The following ITPR2 variants were observed in gnomAD, a reference collection of about 807,000 sequenced individuals.
The protein encoded by ITPR2 is inositol 1,4,5-trisphosphate-gated calcium channel ITPR2.
A neutral mutation model predicts 317.1 loss-of-function variants in ITPR2; 207 were observed. That is an observed-to-expected ratio of 0.65 (90% CI 0.58 to 0.73). The LOEUF is 0.73. ITPR2 is among the 30% of genes least tolerant of loss of function. The probability of loss-of-function intolerance (pLI) is 0.00; values close to 1 mark genes in which losing one functional copy is unlikely to be tolerated. For missense variants in ITPR2, 2,613 were observed against 3,284.0 expected, an observed-to-expected ratio of 0.80 and a Z score of 4.99; for synonymous variants, 1,156 against 1,149.1, an observed-to-expected ratio of 1.01 and a Z score of -0.12.
intron 45 of ITPR2, among the ~76,000 whole-genome samples, chr12:26,459,098 C>G (rs761480597): frequency 1.3e-5 from 2 of 152,196 alleles, no homozygotes; most frequent in Non-Finnish European, 2.9e-5. Flanking sequence ...TTAGGCAATG[C>G]TGCTGTGCTA....
chr12:26,801,680 G>C (rs1039976394), intron 1 of ITPR2, among the ~76,000 whole-genome samples: 1 of 152,168 alleles, frequency 6.6e-6, no homozygotes, highest in Non-Finnish European at 1.5e-5. Flanking sequence ...GAGATTTTAA[G>C]ATACCCCTAG....
intron 5 of ITPR2, among the ~76,000 whole-genome samples, chr12:26,720,297 T>C (rs1948812919): frequency 6.6e-6 from 1 of 152,220 alleles, no homozygotes; most frequent in Non-Finnish European, 1.5e-5. Context: ...CATCTTAAAA[T>C]ATCATCTTAA....
chr12:26,452,446 T>G (rs1188721515), intron 45 of ITPR2, among the ~76,000 whole-genome samples: 1 of 152,208 alleles, frequency 6.6e-6, no homozygotes, highest in Non-Finnish European at 1.5e-5. Flanking sequence ...AATTGGTTAT[T>G]TGTCACTCAT....
rs901802348 is a variant in ITPR2 at position 26,335,437 on chromosome 12, A to G, written c.*3960T>C. On this transcript the variant is annotated 3_prime_UTR_variant, in exon 57 of 57. Coordinates refer to ENST00000381340, the MANE Select transcript of ITPR2 (RefSeq NM_002223.4). Reference sequence around the variant, plus strand: ...GAATCGTGTTTTTTAGGCAAATATAACAATCCTCTACTGCAGGAGAGAAAG... The same window carrying G: ...GAATCGTGTTTTTTAGGCAAATATAGCAATCCTCTACTGCAGGAGAGAAAG... Among the ~76,000 whole-genome samples, 1 of 152,232 alleles carries G rather than the reference A, an allele frequency of 6.6e-6. No individual in the cohort carries two copies. Among genetic ancestry groups the G allele is most frequent in the Non-Finnish European group, 1.5e-5 (1 of 68,034 alleles).
chr12:26,807,420 A>C (rs1592148792), intron 1 of ITPR2, among the ~76,000 whole-genome samples: 1 of 152,274 alleles, frequency 6.6e-6, no homozygotes, highest in Admixed American at 6.5e-5. Context: ...TCTACTTATG[A>C]ACCCAGCCAA....
chr12:26,466,769 G>A (rs1942179968), intron 45 of ITPR2, among the ~76,000 whole-genome samples: 1 of 152,168 alleles, frequency 6.6e-6, no homozygotes, highest in Non-Finnish European at 1.5e-5. Context: ...AAAACACAGG[G>A]TGCAGGGGTG....
chr12:26,503,725 G>A (rs999276596), intron 37 of ITPR2, among the ~76,000 whole-genome samples: 1 of 152,164 alleles, frequency 6.6e-6, no homozygotes, highest in Non-Finnish European at 1.5e-5. Context: ...TTAAGGATTA[G>A]GAAATTAAAT....
rs370110465 is a variant in ITPR2, at chr12:26,541,241, C to T, written c.5073+9006G>A. Among the ~76,000 whole-genome samples the T allele has an allele frequency of 1.4e-3, 211 of 151,786 alleles. 1 individual carries two copies. Among genetic ancestry groups the T allele is most frequent in the African/African-American group, 3.6e-3 (147 of 41,406 alleles). On this transcript the variant is annotated intron_variant, in intron 37 of 56. Coordinates refer to ENST00000381340, the MANE Select transcript of ITPR2 (RefSeq NM_002223.4). The stretch of plus-strand genomic sequence containing the variant: ...CTGAGACAGGAGAATCACTTGAACC[C>T]GGGAGGCAGAGGTTGCAGTGAGCTG...
At chr12:26,447,361 ATAGT>A (rs1164176461) in intron 45 of ITPR2, among the ~76,000 whole-genome samples, 1 of 151,978 alleles carries the variant, frequency 6.6e-6, no homozygotes, top group East Asian at 1.9e-4. Flanking sequence ...TTCTTGTTTG[ATAGT>A]TATTTATGTA....
chr12:26,711,175 C>G lies in ITPR2; in HGVS notation c.949G>C (p.Glu317Gln), dbSNP rs1181756075. Residue 317 changes from glutamate to glutamine, a missense_variant and splice_region_variant, in exon 9 of 57, where the codon GAG (glutamate) becomes CAG (glutamine). Coordinates refer to ENST00000381340, the MANE Select transcript of ITPR2 (RefSeq NM_002223.4). ...HLATGNYLAA[E>Q]LNPDYRDAQN... ...ACCACTTTATCCATTAGTCTTACCT[C>G]TGCAGCTAAATAGTTTCCAGTTGCA... 1 of 1,605,488 alleles carries G rather than the reference C, an allele frequency of 6.2e-7. No individual in the cohort carries two copies. The highest frequency in any genetic ancestry group is 1.3e-5 in the African/African-American group (1 of 74,754).
intron 34 of ITPR2, among the ~76,000 whole-genome samples, chr12:26,565,237 T>A (rs1591905844): frequency 2.0e-5 from 3 of 152,266 alleles, no homozygotes; most frequent in African/African-American, 7.2e-5. Context: ...TAAGTATGAA[T>A]CTGAAGAAGA....
At chr12:26,705,594 C>T (rs744180) in intron 9 of ITPR2, among the ~76,000 whole-genome samples, 34,503 of 152,152 alleles carry the variant, frequency 0.23, 4,577 homozygotes, top group East Asian at 0.56. Context: ...GAAATCTTCC[C>T]TAGTGGACAA....
chr12:26,732,964 T>C (rs1158583598), intron 2 of ITPR2, among the ~76,000 whole-genome samples: 1 of 152,224 alleles, frequency 6.6e-6, no homozygotes, highest in African/African-American at 2.4e-5. Context: ...CCATAATAGA[T>C]GTGATTTTAG....
intron 26 of ITPR2, among the ~76,000 whole-genome samples, chr12:26,618,629 A>T (rs749379913): frequency 1.3e-5 from 2 of 152,226 alleles, no homozygotes; most frequent in Admixed American, 6.5e-5. Flanking sequence ...AACATACTGC[A>T]TGTGTTACTC....
chr12:26,418,757 T>G lies in ITPR2; in HGVS notation c.7110+292A>C, dbSNP rs12306624. ...AATCTTTAAATGTAAAGGGAAATAT[T>G]AGTTGGCTGAAAGCAAAAGCAGCCC... On this transcript the variant is annotated intron_variant, in intron 50 of 56. Coordinates refer to ENST00000381340, the MANE Select transcript of ITPR2 (RefSeq NM_002223.4). Among the ~76,000 whole-genome samples the G allele has an allele frequency of 8.5e-3, 1,292 of 152,226 alleles. 9 individuals carry two copies. The highest frequency in any genetic ancestry group is 0.029 in the African/African-American group (1,221 of 41,528).
At chr12:26,394,644 A>T (rs779212129) in intron 54 of ITPR2, among the ~76,000 whole-genome samples, 1 of 152,210 alleles carries the variant, frequency 6.6e-6, no homozygotes, top group Non-Finnish European at 1.5e-5. Context: ...TGCCAGGAAA[A>T]TTCAAGTTAC....
chr12:26,626,992 A>G (rs186372120), intron 23 of ITPR2, among the ~76,000 whole-genome samples: 92 of 152,338 alleles, frequency 6.0e-4, no homozygotes, highest in Admixed American at 9.8e-4. Flanking sequence ...TAGTTTTTCT[A>G]AAGTTCTTTC....
chr12:26,340,712 G>T (rs1048172197), intron 55 of ITPR2, among the ~76,000 whole-genome samples: 11 of 152,186 alleles, frequency 7.2e-5, no homozygotes, highest in African/African-American at 2.7e-4. Context: ...GCACACAAGA[G>T]AAGTGGGGGG....
chr12:26,669,765 G>C (rs1181753175), intron 13 of ITPR2, among the ~76,000 whole-genome samples: 1 of 152,252 alleles, frequency 6.6e-6, no homozygotes, highest in South Asian at 2.1e-4. Flanking sequence ...CTCAGGAAGC[G>C]CAAGGGGTCA....
Sources: allele counts gnomAD v4.1 joint callset (sites outside exome capture counted in the v4.1 genomes callset), GRCh38; gene constraint gnomAD v4.1.1; transcripts MANE v1.5; gene names NCBI Gene and HGNC (gene_info 2026-07-23, HGNC 2026-07-21).